The following CD8B variants were observed in gnomAD, a reference collection of about 807,000 sequenced individuals.
CD8B encodes the protein CD8 subunit beta, also known as T-cell surface glycoprotein CD8 beta chain.
A neutral mutation model predicts 24.2 loss-of-function variants in CD8B; 6 were observed. That is an observed-to-expected ratio of 0.25 (90% confidence interval 0.14 to 0.49). CD8B has a LOEUF of 0.49. Ranked by LOEUF, CD8B falls within the 20% of genes least tolerant of loss-of-function variation. The probability of loss-of-function intolerance (pLI) is 0.98; values close to 1 mark genes in which losing one functional copy is unlikely to be tolerated. For synonymous variants in CD8B, 84 were observed against 108.3 expected, an observed-to-expected ratio of 0.78 and a Z score of 1.39; for missense variants, 196 against 271.3, an observed-to-expected ratio of 0.72 and a Z score of 1.95.
intron 5 of CD8B, among the ~76,000 whole-genome samples, chr2:86,832,666 A>G (rs991584362): frequency 2.0e-5 from 3 of 151,604 alleles, no homozygotes; most frequent in African/African-American, 2.4e-5. Context: ...TTGCCCCCCA[A>G]TTTACTGCTC....
chr2:86,831,122 T>C (rs1454268983), intron 5 of CD8B, among the ~76,000 whole-genome samples: 1 of 152,206 alleles, frequency 6.6e-6, no homozygotes, highest in African/African-American at 2.4e-5. Flanking sequence ...CAGGCTGGAG[T>C]GCAGTGGTGC....
At chr2:86,837,069 A>G (rs187465031), downstream of CD8B, among the ~76,000 whole-genome samples, 2 of 152,120 alleles carry the variant, frequency 1.3e-5, no homozygotes, top group Non-Finnish European at 2.9e-5. Flanking sequence ...AGGTGCAAGG[A>G]TCGCTTGAGC....
chr2:86,833,637 C>CT, downstream of CD8B, among the ~76,000 whole-genome samples: 2 of 128,986 alleles, frequency 1.6e-5, no homozygotes, highest in Admixed American at 1.6e-4. Context: ...CCCTCCCTCC[C>CT]TCCCTTCCTT....
At chr2:86,849,710 T>G (rs952160549) in intron 3 of CD8B, among the ~76,000 whole-genome samples, 10 of 150,244 alleles carry the variant, frequency 6.7e-5, no homozygotes, top group Non-Finnish European at 1.5e-4. Flanking sequence ...GGTGTTTTTT[T>G]TTTTTTTTTT....
Position 86,855,679 on chromosome 2 carries a change from C to G in CD8B, c.403+2378G>C, listed in dbSNP as rs114547886. On this transcript the variant is annotated intron_variant, in intron 2 of 5. Transcript: ENST00000390655. ...ATCAGCAGGGTCGGAGAGCGTGCAA[C>G]GAGCCTGGCCCTCTCCTGGGAGTGT... Among the ~76,000 whole-genome samples the G allele has an allele frequency of 4.3e-3, 657 of 152,324 alleles. 7 individuals carry two copies. The highest frequency in any genetic ancestry group is 0.015 in the African/African-American group (606 of 41,566).
intron 5 of CD8B, chr2:86,832,915 GT>G (rs780979233): frequency 0.043 from 7,903 of 184,366 alleles, 143 homozygotes; most frequent in African/African-American, 0.056. Flanking sequence ...GTCAGCACTG[GT>G]CTCCTCTCCT....
downstream of CD8B, chr2:86,815,459 C>A: frequency 3.1e-6 from 2 of 649,172 alleles, no homozygotes; most frequent in East Asian, 2.6e-5. Context: ...GGCCACAGCT[C>A]ACCAGGGCAG....
chr2:86,815,501 T>G, downstream of CD8B: 1 of 749,032 alleles, frequency 1.3e-6, no homozygotes, highest in Non-Finnish European at 2.4e-6. Context: ...GGGGGGTTGA[T>G]GGTGGCAGAG....
chr2:86,829,912 T>C (rs996033806), intron 5 of CD8B, among the ~76,000 whole-genome samples: 1 of 152,240 alleles, frequency 6.6e-6, no homozygotes, highest in African/African-American at 2.4e-5. Context: ...ATAGAATATC[T>C]AACGTTTGAT....
At chr2:86,860,397 A>C (rs1409335513) in intron 1 of CD8B, among the ~76,000 whole-genome samples, 1 of 152,236 alleles carries the variant, frequency 6.6e-6, no homozygotes, top group Non-Finnish European at 1.5e-5. Context: ...CCAGCAGAGC[A>C]GAGGTTTTTC....
chr2:86,824,081 G>A (rs13412314), intron 5 of CD8B, among the ~76,000 whole-genome samples: 2,970 of 151,344 alleles, frequency 0.02, 88 homozygotes, highest in East Asian at 0.09. Context: ...AGATGCAGCA[G>A]GGAGCTGGAG....
At chr2:86,856,807 A>G (rs1366771661) in intron 2 of CD8B, among the ~76,000 whole-genome samples, 2 of 149,766 alleles carry the variant, frequency 1.3e-5, no homozygotes, top group Non-Finnish European at 3.0e-5. Context: ...GATGAGCCAT[A>G]TGTTTTATGT....
In CD8B at chr2:86,840,247, A is replaced by C. The variant is rs1675358530; in HGVS notation, c.*2060T>G. Among the ~76,000 whole-genome samples, 1 of 151,990 alleles carries C rather than the reference A, an allele frequency of 6.6e-6. No homozygotes were observed. Among genetic ancestry groups the C allele is most frequent in the African/African-American group, 2.4e-5 (1 of 41,370 alleles). On this transcript the variant is annotated 3_prime_UTR_variant, in exon 6 of 6. Transcript: ENST00000390655. ...AAACACCTACGTCTGGGGGCAGGGA[A>C]TCTGAGGCCAATTTGTGCTGACTTC...
intron 5 of CD8B, among the ~76,000 whole-genome samples, chr2:86,818,694 C>A (rs1020169301): frequency 1.3e-5 from 2 of 152,146 alleles, no homozygotes; most frequent in African/African-American, 2.4e-5. Context: ...ATGCCCTGAG[C>A]CACAAAAATA....
downstream of CD8B, among the ~76,000 whole-genome samples, chr2:86,835,781 T>C (rs1675152863): frequency 6.8e-6 from 1 of 147,972 alleles, no homozygotes; most frequent in South Asian, 2.2e-4. Context: ...AACATAACTT[T>C]TTTGAGAAGG....
intron 5 of CD8B, among the ~76,000 whole-genome samples, chr2:86,821,999 T>A (rs767738149): frequency 6.6e-6 from 1 of 152,198 alleles, no homozygotes; most frequent in Non-Finnish European, 1.5e-5. Flanking sequence ...GCTTCTCCTT[T>A]TGCAACTCCG....
rs1360963985 is a variant in CD8B, at chr2:86,824,692, G to A, written c.621-8974C>T. Among the ~76,000 whole-genome samples the A allele has an allele frequency of 2.0e-5, 3 of 152,106 alleles. No individual in the cohort carries two copies. The East Asian group carries it at 5.8e-4, about 29-fold the overall frequency. On this transcript the variant is annotated intron_variant, in intron 5 of 5. Transcript: ENST00000331469. ...AGCTCACCATCAGAGGTGGAAAGAA[G>A]GTTCTAGTCCCTCCAGAGCACACTC...
chr2:86,831,528 ACTT>A (rs1674905203), intron 5 of CD8B, among the ~76,000 whole-genome samples: 1 of 152,244 alleles, frequency 6.6e-6, no homozygotes, highest in Admixed American at 6.5e-5. Context: ...GGAGAGAGAA[ACTT>A]CTTTTGCCTT....
downstream of CD8B, among the ~76,000 whole-genome samples, chr2:86,836,245 T>C (rs761995902): frequency 6.6e-6 from 1 of 152,100 alleles, no homozygotes; most frequent in Non-Finnish European, 1.5e-5. Flanking sequence ...TGTTCATTCA[T>C]TCATTTCAGT....
Sources: gnomAD v4.1 joint callset for allele counts (sites outside exome capture counted in the v4.1 genomes callset) on GRCh38, gnomAD v4.1.1 for gene constraint, MANE v1.5 for transcripts, NCBI Gene and HGNC (gene_info 2026-07-23, HGNC 2026-07-21) for gene names.